The following RORA variants were observed in gnomAD, a reference collection of about 807,000 sequenced individuals.
RORA encodes nuclear receptor ROR-alpha.
RORA carries 7 observed loss-of-function variants against 69.5 expected under a neutral mutation model. That is an observed-to-expected ratio of 0.10 (90% CI 0.06 to 0.19). The LOEUF (loss-of-function observed/expected upper bound fraction) is 0.19. Ranked by LOEUF, RORA falls within the 10% of genes least tolerant of loss-of-function variation. The pLI is 1.00. For missense variants in RORA, 457 were observed against 663.0 expected (o/e 0.69, Z 3.41); for synonymous variants, 261 against 240.8 (o/e 1.08, Z -0.78).
chr15:61,033,505 G>A (rs1345096852), intron 1 of RORA, among the ~76,000 whole-genome samples: 2 of 152,000 alleles, frequency 1.3e-5, no homozygotes, highest in African/African-American at 2.4e-5. Context: ...CACCAACCAA[G>A]TGAGAGACAG....
chr15:60,496,103 G>A lies in RORA; in HGVS notation c.*1352C>T, dbSNP rs1345503946. On this transcript the variant is annotated 3_prime_UTR_variant, in exon 11 of 11. Coordinates refer to ENST00000335670, the MANE Select transcript of RORA (RefSeq NM_134261.3). The surrounding 1 kb of genome is among the most constrained non-coding windows in gnomAD (Gnocchi z 4.5). ...TGCTTCCCTCACCCTCCTATCCATC[G>A]TTTTTCAAATATGGAGAGCAACATT... The A allele has an allele frequency of 6.6e-6, 1 of 152,018 alleles. No homozygotes were observed. The highest frequency in any genetic ancestry group is 2.4e-5 in the African/African-American group (1 of 41,380). 9.4% of individuals were successfully genotyped at this position (152,018 alleles called of 1,614,324 possible).
intron 1 of RORA, among the ~76,000 whole-genome samples, chr15:61,211,101 C>T (rs1043193525): frequency 6.6e-6 from 1 of 152,108 alleles, no homozygotes; most frequent in African/African-American, 2.4e-5. Flanking sequence ...TTCTTCAGGG[C>T]TCAATTATAA....
At chr15:61,123,110 T>C (rs781162635) in intron 1 of RORA, among the ~76,000 whole-genome samples, 2 of 152,062 alleles carry the variant, frequency 1.3e-5, no homozygotes, top group Non-Finnish European at 1.5e-5. Flanking sequence ...GAACTTATGA[T>C]TGGAGGTCAG....
chr15:61,002,975 CAAAAAAAA>C (rs59966691), intron 1 of RORA, among the ~76,000 whole-genome samples: 1 of 117,004 alleles, frequency 8.5e-6, no homozygotes, highest in South Asian at 2.9e-4. Context: ...ACTAAAAATA[CAAAAAAAA>C]AAAAAAAAAA....
At chr15:60,983,342 G>A (rs1281847902) in intron 1 of RORA, among the ~76,000 whole-genome samples, 2 of 152,144 alleles carry the variant, frequency 1.3e-5, no homozygotes, top group South Asian at 2.1e-4. Context: ...GACATAGCAG[G>A]TGCTGAAAGT....
chr15:61,006,220 G>C (rs1481767822), intron 1 of RORA, among the ~76,000 whole-genome samples: 2 of 151,992 alleles, frequency 1.3e-5, no homozygotes, highest in African/African-American at 2.4e-5. Flanking sequence ...GCCCACCTCA[G>C]CCTCCCAAAG....
intron 1 of RORA, among the ~76,000 whole-genome samples, chr15:60,950,626 A>C (rs1422957309): frequency 2.5e-5 from 3 of 118,408 alleles, no homozygotes; most frequent in East Asian, 4.8e-4. Flanking sequence ...AAAAAAAGGC[A>C]GGGGTTGCAA....
chr15:60,942,062 C>T (rs766883718), intron 1 of RORA, among the ~76,000 whole-genome samples: 5 of 152,210 alleles, frequency 3.3e-5, no homozygotes, highest in South Asian at 2.1e-4. Context: ...ATAATATCTT[C>T]GGAAGATTCC....
chr15:60,574,267 T>A (rs1427855349), intron 2 of RORA, among the ~76,000 whole-genome samples: 1 of 152,240 alleles, frequency 6.6e-6, no homozygotes, highest in Non-Finnish European at 1.5e-5. Flanking sequence ...AAGGCTAATG[T>A]AAGTATTAAA....
chr15:60,540,564 ACCC>A (rs56827621), intron 2 of RORA, among the ~76,000 whole-genome samples: 2,863 of 46,104 alleles, frequency 0.062, 427 homozygotes, highest in African/African-American at 0.14. Context: ...AATTTCCATG[ACCC>A]CCCCCCCCCA....
intron 2 of RORA, among the ~76,000 whole-genome samples, chr15:60,660,180 C>T (rs7166980): frequency 0.13 from 19,985 of 152,046 alleles, 1,347 homozygotes; most frequent in East Asian, 0.23. Context: ...TTCTTTTAGA[C>T]GCTGACATTA....
At chr15:61,157,208 C>CCATT (rs2079451769) in intron 1 of RORA, among the ~76,000 whole-genome samples, 2 of 152,176 alleles carry the variant, frequency 1.3e-5, no homozygotes, top group Non-Finnish European at 2.9e-5. Flanking sequence ...ATCCTCTGAA[C>CCATT]CATTAAGTTT....
At chr15:60,916,815 C>T (rs1382936958) in intron 1 of RORA, among the ~76,000 whole-genome samples, 1 of 152,158 alleles carries the variant, frequency 6.6e-6, no homozygotes, top group African/African-American at 2.4e-5. Flanking sequence ...GTTAACTGCA[C>T]GGTGAGCCCT....
intron 1 of RORA, among the ~76,000 whole-genome samples, chr15:61,101,245 G>A (rs968119621): frequency 5.9e-5 from 9 of 152,098 alleles, no homozygotes; most frequent in East Asian, 1.9e-4. Context: ...GGGTAGGGAC[G>A]GTTAATAGAG....
At chr15:61,188,211 G>A (rs2079763056) in intron 1 of RORA, among the ~76,000 whole-genome samples, 2 of 152,148 alleles carry the variant, frequency 1.3e-5, no homozygotes, top group South Asian at 4.1e-4. Flanking sequence ...GGGAAACTCT[G>A]CAAAAGGTCA....
At chr15:61,207,796 T>C (rs922995099) in intron 1 of RORA, among the ~76,000 whole-genome samples, 3 of 152,214 alleles carry the variant, frequency 2.0e-5, no homozygotes, top group African/African-American at 4.8e-5. Flanking sequence ...AAATACTTCA[T>C]CCAATGTGTA....
chr15:60,725,091 G>A (rs553000493), intron 1 of RORA, among the ~76,000 whole-genome samples: 9 of 152,334 alleles, frequency 5.9e-5, no homozygotes, highest in Non-Finnish European at 1.2e-4. Flanking sequence ...TCTGATTAGC[G>A]ATTATAAAAT....
chr15:60,680,512 G>A (rs761669803), intron 1 of RORA, among the ~76,000 whole-genome samples: 16 of 151,994 alleles, frequency 1.1e-4, no homozygotes, highest in African/African-American at 2.2e-4. Context: ...GCTTGATCTC[G>A]GAGGTCGCAG....
intron 1 of RORA, among the ~76,000 whole-genome samples, chr15:61,171,643 G>C (rs951049424): frequency 2.0e-5 from 3 of 152,142 alleles, no homozygotes; most frequent in Non-Finnish European, 4.4e-5. Flanking sequence ...CAGCAGAGGG[G>C]CAGTCTCCCC....
Sources: gnomAD v4.1 joint callset for allele counts (sites outside exome capture counted in the v4.1 genomes callset) on GRCh38, gnomAD v4.1.1 for gene constraint, Gnocchi (gnomAD v3.1) non-coding constraint, MANE v1.5 for transcripts, NCBI Gene and HGNC (gene_info 2026-07-23, HGNC 2026-07-21) for gene names.